The following GALNTL6 variants were observed in gnomAD, a reference collection of about 807,000 sequenced individuals.
The protein encoded by GALNTL6 is polypeptide N-acetylgalactosaminyltransferase-like 6.
Under a neutral mutation model 73.7 loss-of-function variants are expected in GALNTL6, and 46 were observed. The observed-to-expected ratio is 0.62, with a 90% CI of 0.49 to 0.80. The LOEUF is 0.80. Among genes scored for constraint, GALNTL6 ranks in the 30% least tolerant of loss-of-function variants. The pLI is 0.00. For missense variants in GALNTL6, 604 were observed against 755.0 expected (o/e 0.80, Z 2.34); for synonymous variants, 259 against 263.7 (o/e 0.98, Z 0.17).
chr4:171,900,814 C>T (rs1315360328), intron 2 of GALNTL6, among the ~76,000 whole-genome samples: 1 of 151,898 alleles, frequency 6.6e-6, no homozygotes. Context: ...TAGGAAGAAC[C>T]TCTTAAGGTT....
chr4:172,763,561 TA>T (rs1315031178), intron 5 of GALNTL6, among the ~76,000 whole-genome samples: 1 of 152,228 alleles, frequency 6.6e-6, no homozygotes, highest in Non-Finnish European at 1.5e-5. Context: ...AGTAGACGAA[TA>T]ATTACCTTGT....
chr4:171,936,958 C>T (rs968910494), intron 2 of GALNTL6, among the ~76,000 whole-genome samples: 1 of 152,240 alleles, frequency 6.6e-6, no homozygotes, highest in East Asian at 1.9e-4. Context: ...TCTCTAGCAA[C>T]ACCAAATGAA....
intron 2 of GALNTL6, among the ~76,000 whole-genome samples, chr4:171,989,421 TG>T (rs769001810): frequency 7.2e-5 from 11 of 152,298 alleles, no homozygotes; most frequent in Non-Finnish European, 1.5e-4. Flanking sequence ...CCTACACAGA[TG>T]GGATACGGCT....
intron 5 of GALNTL6, among the ~76,000 whole-genome samples, chr4:172,411,670 C>T (rs2111344572): frequency 6.6e-6 from 1 of 151,834 alleles, no homozygotes; most frequent in Middle Eastern, 3.4e-3. Flanking sequence ...TTTGTAGCCT[C>T]TTCCAGTTGT....
chr4:171,894,045 A>T (rs1736832687), intron 2 of GALNTL6, among the ~76,000 whole-genome samples: 1 of 147,270 alleles, frequency 6.8e-6, no homozygotes. Context: ...GCTATTTAAG[A>T]AGTTTAGACG....
At chr4:172,780,582 A>C (rs1739320520) in intron 5 of GALNTL6, among the ~76,000 whole-genome samples, 1 of 152,232 alleles carries the variant, frequency 6.6e-6, no homozygotes, top group Non-Finnish European at 1.5e-5. Flanking sequence ...TGAAATTTCT[A>C]AAACTACTAT....
intron 2 of GALNTL6, among the ~76,000 whole-genome samples, chr4:171,947,865 T>C (rs1217693468): frequency 6.6e-6 from 1 of 152,192 alleles, no homozygotes; most frequent in East Asian, 1.9e-4. Context: ...GTCTCACAAA[T>C]GTCAATGGTT....
intron 10 of GALNTL6, among the ~76,000 whole-genome samples, chr4:172,983,118 A>G (rs1751143249): frequency 6.6e-6 from 1 of 152,180 alleles, no homozygotes; most frequent in African/African-American, 2.4e-5. Context: ...TTGCACATGC[A>G]CTCCATAAAT....
intron 2 of GALNTL6, among the ~76,000 whole-genome samples, chr4:172,105,433 C>T (rs1180552490): frequency 4.6e-5 from 7 of 151,536 alleles, no homozygotes; most frequent in East Asian, 1.9e-4. Context: ...AAAATATTTA[C>T]GGAGATAACA....
At chr4:172,267,532 G>A (rs184361497) in intron 3 of GALNTL6, among the ~76,000 whole-genome samples, 25 of 152,156 alleles carry the variant, frequency 1.6e-4, no homozygotes, top group Non-Finnish European at 2.1e-4. Context: ...TCATGGAAGC[G>A]TCTATTGATG....
At chr4:172,965,998 T>C (rs1021682873) in intron 10 of GALNTL6, among the ~76,000 whole-genome samples, 4 of 152,200 alleles carry the variant, frequency 2.6e-5, no homozygotes, top group Non-Finnish European at 5.9e-5. Flanking sequence ...ACTAAATTAA[T>C]AGAATTTAAA....
At chr4:171,838,754 T>C (rs1735167685) in intron 2 of GALNTL6, among the ~76,000 whole-genome samples, 1 of 152,124 alleles carries the variant, frequency 6.6e-6, no homozygotes, top group Non-Finnish European at 1.5e-5. Context: ...AAGACAAACA[T>C]AAAATGCATA....
At chr4:172,748,179 T>C (rs1431033659) in intron 5 of GALNTL6, among the ~76,000 whole-genome samples, 1 of 152,204 alleles carries the variant, frequency 6.6e-6, no homozygotes, top group Non-Finnish European at 1.5e-5. Flanking sequence ...ACAAGTAAGA[T>C]AATTATTACC....
intron 5 of GALNTL6, among the ~76,000 whole-genome samples, chr4:172,606,487 A>T (rs1449783217): frequency 6.8e-6 from 1 of 147,280 alleles, no homozygotes; most frequent in Non-Finnish European, 1.5e-5. Flanking sequence ...AACAAAAAAA[A>T]ATAGCTAATA....
chr4:172,059,729 G>A (rs1213720630), intron 2 of GALNTL6, among the ~76,000 whole-genome samples: 1 of 152,148 alleles, frequency 6.6e-6, no homozygotes, highest in Non-Finnish European at 1.5e-5. Context: ...GCAATATAAA[G>A]TGTGATTTTT....
chr4:172,325,072 GATTA>G (rs961429413), intron 4 of GALNTL6, among the ~76,000 whole-genome samples: 2 of 150,916 alleles, frequency 1.3e-5, no homozygotes, highest in African/African-American at 4.9e-5. Flanking sequence ...ACTTTGAACA[GATTA>G]ATTAAATTTC....
At chr4:172,926,797 C>A (rs2111307232) in intron 8 of GALNTL6, among the ~76,000 whole-genome samples, 1 of 152,290 alleles carries the variant, frequency 6.6e-6, no homozygotes, top group South Asian at 2.1e-4. Flanking sequence ...ACCCTAACAC[C>A]TGCTGTCTAA....
chr4:172,479,702 T>C (rs1733373831), intron 5 of GALNTL6, among the ~76,000 whole-genome samples: 1 of 152,178 alleles, frequency 6.6e-6, no homozygotes, highest in African/African-American at 2.4e-5. Context: ...CCAAAAGCTA[T>C]TGAAGTAAAA....
intron 2 of GALNTL6, among the ~76,000 whole-genome samples, chr4:171,942,732 C>T (rs1011240624): frequency 6.6e-6 from 1 of 152,186 alleles, no homozygotes; most frequent in Non-Finnish European, 1.5e-5. Context: ...TGCATGCAGC[C>T]ATCGTAGGAT....
Sources: gnomAD v4.1 joint callset for allele counts (sites outside exome capture counted in the v4.1 genomes callset) on GRCh38, gnomAD v4.1.1 for gene constraint, MANE v1.5 for transcripts, NCBI Gene and HGNC (gene_info 2026-07-23, HGNC 2026-07-21) for gene names.